NEK10: variants seen among roughly 807,000 people sequenced by gnomAD.
NEK10 encodes the protein NIMA related kinase 10.
In NEK10, 122 loss-of-function variants were observed where a neutral mutation model predicts 159.8. The observed-to-expected ratio is 0.76, with a 90% CI of 0.66 to 0.89. NEK10 has a LOEUF of 0.89. NEK10 is among the 40% of genes least tolerant of loss of function. The pLI is 0.00. For synonymous variants in NEK10, 466 were observed against 457.1 expected (o/e 1.02, Z -0.25); for missense variants, 1,342 against 1,323.1 (o/e 1.01, Z -0.22).
intron 1 of NEK10, 107 bp from the exon 2 acceptor site, chr3:27,353,026 A>C: frequency 6.6e-6 from 4 of 605,746 alleles, no homozygotes; most frequent in Non-Finnish European, 8.8e-6. Context: ...AACATGGAAA[A>C]CCTAGATTTA....
intron 22 of NEK10, among the ~76,000 whole-genome samples, chr3:27,259,063 G>GT (rs1183852625): frequency 3.5e-5 from 5 of 141,378 alleles, no homozygotes; most frequent in African/African-American, 1.6e-4. Flanking sequence ...TGTTGATGCA[G>GT]TTGTTTTTTT....
At chr3:27,127,057 A>G (rs112701223) in intron 32 of NEK10, among the ~76,000 whole-genome samples, 92 of 152,298 alleles carry the variant, frequency 6.0e-4, no homozygotes, top group African/African-American at 2.1e-3. Flanking sequence ...ATTATAAAAA[A>G]CTTCAAACAT....
Position 27,131,908 on chromosome 3 carries a change from G to A in NEK10, c.3053C>T (p.Pro1018Leu). Residue 1018 changes from proline (P) to leucine (L), a missense_variant, in exon 32 of 36, where the codon CCT becomes CTT. By Grantham distance (98) the Pro-to-Leu change is moderately conservative. Coordinates refer to ENST00000691995, the MANE Select transcript of NEK10 (RefSeq NM_001394966.1). ...TTTAATTTCAGATTTCAAATTACAA[G>A]GGTTACTCTGCTGGCTGAAGAGGGA... ...KKSLFSQQSNPCNLKSEIKKL... is the reference protein window; with the variant it reads ...KKSLFSQQSNLCNLKSEIKKL... 1 of 1,597,364 alleles carries A rather than the reference G, an allele frequency of 6.3e-7. No homozygotes were observed. The highest frequency in any genetic ancestry group is 8.6e-7 in the Non-Finnish European group (1 of 1,166,584).
At chr3:27,357,367 C>G (rs549335799) in intron 1 of NEK10, among the ~76,000 whole-genome samples, 9 of 152,170 alleles carry the variant, frequency 5.9e-5, no homozygotes, top group Non-Finnish European at 1.2e-4. Context: ...GCTCATAAAA[C>G]TCTTTTATAA....
chr3:27,166,076 A>G (rs944225808), intron 29 of NEK10, among the ~76,000 whole-genome samples: 11 of 152,258 alleles, frequency 7.2e-5, no homozygotes, highest in African/African-American at 2.7e-4. Context: ...TTACAATAGT[A>G]AGGTAATGCC....
At chr3:27,113,154 T>G (rs1161869088) in intron 35 of NEK10, among the ~76,000 whole-genome samples, 1 of 151,556 alleles carries the variant, frequency 6.6e-6, no homozygotes, top group Middle Eastern at 3.4e-3. Context: ...CAAAAGGGGG[T>G]CGGGTGTGGT....
intron 20 of NEK10, 103 bp downstream of exon 20, chr3:27,287,595 C>G: frequency 7.9e-7 from 1 of 1,262,096 alleles, no homozygotes; most frequent in Non-Finnish European, 1.1e-6. Flanking sequence ...AAAAAAAGGT[C>G]AATAAAATAG....
intron 6 of NEK10, among the ~76,000 whole-genome samples, chr3:27,318,766 T>G (rs917214803): frequency 2.7e-4 from 41 of 152,204 alleles, no homozygotes; most frequent in Non-Finnish European, 3.1e-4. Context: ...ATTATGCTAC[T>G]GTGTCATCAA....
chr3:27,267,612 G>A (rs1424597356), intron 22 of NEK10, among the ~76,000 whole-genome samples: 6 of 152,070 alleles, frequency 3.9e-5, no homozygotes, highest in Admixed American at 1.3e-4. Flanking sequence ...CAAACCATGC[G>A]CATATAAGAC....
chr3:27,139,820 C>A (rs908493612), intron 31 of NEK10, among the ~76,000 whole-genome samples: 1 of 152,094 alleles, frequency 6.6e-6, no homozygotes, highest in Non-Finnish European at 1.5e-5. Flanking sequence ...ACTTGCACAC[C>A]CACTCCCTAA....
intron 25 of NEK10, among the ~76,000 whole-genome samples, chr3:27,199,889 G>A (rs1271812271): frequency 1.3e-5 from 2 of 151,932 alleles, no homozygotes; most frequent in African/African-American, 4.8e-5. Context: ...GTTTTCACTT[G>A]TAAGTGGGAG....
chr3:27,255,227 G>A, intron 23 of NEK10: 1 of 369,288 alleles, frequency 2.7e-6, no homozygotes, highest in Non-Finnish European at 5.5e-6. Flanking sequence ...AAGAGGATAA[G>A]TAGACATCAT....
intron 25 of NEK10, among the ~76,000 whole-genome samples, chr3:27,196,408 T>C (rs1949562453): frequency 6.6e-6 from 1 of 152,182 alleles, no homozygotes; most frequent in Non-Finnish European, 1.5e-5. Flanking sequence ...ACTCAGCATC[T>C]GAGGGGTTCT....
In NEK10 at chr3:27,203,847, T is replaced by G. The variant is rs144636243; in HGVS notation, c.2091-1290A>C. On this transcript the variant is annotated intron_variant, in intron 23 of 35. Transcript: ENST00000691995. ...TGTATTTGCAAAGAAAAGTATGATT[T>G]CTAGGTCTATCAGTTAAGCATTTTC... is the stretch of plus-strand genomic sequence containing the variant. 1.6e-3 allele frequency among the ~76,000 whole-genome samples: 238 copies of G among 152,350 alleles called. 2 individuals are homozygous for G. Among genetic ancestry groups the G allele is most frequent in the African/African-American group, 5.6e-3 (232 of 41,586 alleles).
chr3:27,153,299 G>A (rs560033071), intron 30 of NEK10, among the ~76,000 whole-genome samples: 150 of 144,548 alleles, frequency 1.0e-3, no homozygotes, highest in African/African-American at 3.8e-3. Flanking sequence ...CAGCCTGGGC[G>A]ACAGAGCGAG....
At chr3:27,307,651 C>T (rs1559473811) in intron 11 of NEK10, among the ~76,000 whole-genome samples, 1 of 152,082 alleles carries the variant, frequency 6.6e-6, no homozygotes, top group Non-Finnish European at 1.5e-5. Context: ...GCTTCTATGC[C>T]CAGATCTAGA....
chr3:27,124,898 T>C (rs1290544879), intron 32 of NEK10, among the ~76,000 whole-genome samples: 1 of 152,178 alleles, frequency 6.6e-6, no homozygotes, highest in African/African-American at 2.4e-5. Flanking sequence ...AGTAGTCCAA[T>C]GCAAGTGCTG....
chr3:27,233,321 CAAATT>C (rs1479690291), intron 23 of NEK10, among the ~76,000 whole-genome samples: 1 of 151,994 alleles, frequency 6.6e-6, no homozygotes, highest in African/African-American at 2.4e-5. Context: ...CAGGGAAACA[CAAATT>C]AAAACCATAA....
chr3:27,174,912 T>C (rs1947360387), intron 26 of NEK10, 79 bp from the exon 27 acceptor site: 1 of 1,155,786 alleles, frequency 8.7e-7, no homozygotes, highest in Non-Finnish European at 1.2e-6. Flanking sequence ...TTAGAACATA[T>C]ATTAACTGCT....
Sources: gnomAD v4.1 joint callset for allele counts (sites outside exome capture counted in the v4.1 genomes callset) on GRCh38, gnomAD v4.1.1 for gene constraint, MANE v1.5 for transcripts, NCBI Gene and HGNC (gene_info 2026-07-23, HGNC 2026-07-21) for gene names.